The following ARHGAP6 variants were observed in gnomAD, a reference collection of about 807,000 sequenced individuals.
ARHGAP6 encodes Rho GTPase activating protein 6.
A neutral mutation model predicts 55.7 loss-of-function variants in ARHGAP6; 16 were observed. The ratio of observed to expected loss-of-function variants is 0.29; its 90% CI spans 0.19 to 0.44. The LOEUF is 0.44. ARHGAP6 is among the 20% of genes least tolerant of loss of function. ARHGAP6 has a pLI of 1.00. For missense variants in ARHGAP6, 698 were observed against 808.9 expected, an observed-to-expected ratio of 0.86 and a Z score of 1.66; for synonymous variants, 382 against 360.9, an observed-to-expected ratio of 1.06 and a Z score of -0.66.
At chrX:11,295,528 T>C (rs1394450733) in intron 1 of ARHGAP6, among the ~76,000 whole-genome samples, 1 of 111,260 alleles carries the variant, frequency 9.0e-6, no homozygotes, top group Non-Finnish European at 1.9e-5. Flanking sequence ...AGAACTTAGA[T>C]CACATGCATG....
intron 1 of ARHGAP6, among the ~76,000 whole-genome samples, chrX:11,504,587 G>A (rs1488923135): frequency 1.8e-5 from 2 of 112,181 alleles, no homozygotes; most frequent in Non-Finnish European, 3.8e-5. Context: ...TATTAAAGAA[G>A]ATGCAATGAA....
At chrX:11,163,371 G>A (rs2062989518) in intron 9 of ARHGAP6, among the ~76,000 whole-genome samples, 1 of 111,857 alleles carries the variant, frequency 8.9e-6, no homozygotes, top group South Asian at 3.8e-4. Context: ...ACCACTGAGA[G>A]AGAAAAGTGG....
At chrX:11,184,121 G>A (rs1424160089) in intron 5 of ARHGAP6, among the ~76,000 whole-genome samples, 1 of 112,121 alleles carries the variant, frequency 8.9e-6, no homozygotes, top group East Asian at 2.8e-4. Flanking sequence ...TCTAGATCAC[G>A]CTCCCAGTAT....
intron 1 of ARHGAP6, among the ~76,000 whole-genome samples, chrX:11,573,908 T>C (rs771351433): frequency 9.0e-6 from 1 of 111,635 alleles, no homozygotes; most frequent in South Asian, 3.8e-4. Flanking sequence ...TCACGTCCCT[T>C]GTAAGTTGAA....
At chrX:11,212,309 T>A (rs6654746) in intron 2 of ARHGAP6, among the ~76,000 whole-genome samples, 6,735 of 111,526 alleles carry the variant, frequency 0.06, 232 homozygotes, top group African/African-American at 0.13. Flanking sequence ...GTAAGGCTAA[T>A]AATTTTCTAT....
At chrX:11,416,610 T>C (rs992091100) in intron 1 of ARHGAP6, among the ~76,000 whole-genome samples, 6 of 110,892 alleles carry the variant, frequency 5.4e-5, no homozygotes, top group African/African-American at 2.0e-4. Context: ...TTCAAACCTT[T>C]CCCCAAGAGA....
intron 1 of ARHGAP6, among the ~76,000 whole-genome samples, chrX:11,397,321 T>A (rs2049488570): frequency 9.0e-6 from 1 of 111,352 alleles, no homozygotes; most frequent in African/African-American, 3.3e-5. Context: ...AGAAGAATTA[T>A]TACCCAAGAC....
intron 1 of ARHGAP6, among the ~76,000 whole-genome samples, chrX:11,658,305 T>C (rs1601736408): frequency 8.9e-6 from 1 of 111,875 alleles, no homozygotes; most frequent in East Asian, 2.8e-4. Flanking sequence ...CACAGTATTC[T>C]CCATTAAAAT....
chrX:11,253,722 T>C (rs142120522), intron 2 of ARHGAP6, among the ~76,000 whole-genome samples: 2,508 of 110,854 alleles, frequency 0.023, 73 homozygotes, highest in African/African-American at 0.079. Context: ...CTGGCCAACA[T>C]GGTGAAACCT....
At chrX:11,478,372 C>G (rs1449146810) in intron 1 of ARHGAP6, among the ~76,000 whole-genome samples, 1 of 112,293 alleles carries the variant, frequency 8.9e-6, no homozygotes, top group Non-Finnish European at 1.9e-5. Context: ...AAGGAACAAA[C>G]TAATGATGTC....
intron 1 of ARHGAP6, among the ~76,000 whole-genome samples, chrX:11,557,154 A>G (rs1320753648): frequency 2.7e-5 from 3 of 112,560 alleles, no homozygotes; most frequent in Non-Finnish European, 5.6e-5. Context: ...GCTCTTTCCA[A>G]GAAGGTAATA....
chrX:11,572,990 T>C (rs999138756), intron 1 of ARHGAP6, among the ~76,000 whole-genome samples: 4 of 112,239 alleles, frequency 3.6e-5, no homozygotes, highest in African/African-American at 1.3e-4. Flanking sequence ...ATGTCTTCTT[T>C]TGAGAAGTGT....
At chrX:11,595,016 C>T (rs368788251) in intron 1 of ARHGAP6, among the ~76,000 whole-genome samples, 6 of 111,742 alleles carry the variant, frequency 5.4e-5, no homozygotes, top group African/African-American at 9.8e-5. Context: ...ATCAGTCGGG[C>T]GCAGTGGCTC....
intron 1 of ARHGAP6, among the ~76,000 whole-genome samples, chrX:11,301,427 A>G (rs992041608): frequency 2.7e-5 from 3 of 111,612 alleles, no homozygotes; most frequent in African/African-American, 6.5e-5. Flanking sequence ...TCTCACTCAT[A>G]TTTATATTTG....
intron 1 of ARHGAP6, among the ~76,000 whole-genome samples, chrX:11,261,972 C>T (rs982808949): frequency 8.9e-6 from 1 of 111,930 alleles, no homozygotes; most frequent in African/African-American, 3.2e-5. Context: ...ATAAATAAGT[C>T]TGCTGTTAAG....
chrX:11,192,054 C>T (rs2046468664), intron 3 of ARHGAP6, among the ~76,000 whole-genome samples: 1 of 111,734 alleles, frequency 8.9e-6, no homozygotes, highest in African/African-American at 3.3e-5. Context: ...TATTTCACAC[C>T]TCATTGCTAC....
chrX:11,651,768 A>G (rs111713140), intron 1 of ARHGAP6, among the ~76,000 whole-genome samples: 15,722 of 111,283 alleles, frequency 0.14, 1,021 homozygotes, highest in Middle Eastern at 0.26. Context: ...GTGTATAAGC[A>G]TTCCTTTTTC....
chrX:11,140,436 TAAAAAA>T (rs749318989), intron 12 of ARHGAP6, among the ~76,000 whole-genome samples: 2 of 93,734 alleles, frequency 2.1e-5, no homozygotes, highest in East Asian at 3.2e-4. Flanking sequence ...AAAAAAAAAT[TAAAAAA>T]AAAAAACTAA....
chrX:11,292,366 G>GAATT (rs1388629551), intron 1 of ARHGAP6, among the ~76,000 whole-genome samples: 1 of 111,701 alleles, frequency 9.0e-6, no homozygotes, highest in African/African-American at 3.3e-5. Flanking sequence ...TTATACCAAG[G>GAATT]TAGAGGGGTA....
Sources: gnomAD v4.1 joint callset for allele counts (sites outside exome capture counted in the v4.1 genomes callset) on GRCh38, gnomAD v4.1.1 for gene constraint, MANE v1.5 for transcripts, NCBI Gene and HGNC (gene_info 2026-07-23, HGNC 2026-07-21) for gene names.